Variants in ROBO2 observed in about 807,000 individuals in gnomAD.
ROBO2 encodes the protein roundabout guidance receptor 2, also known as roundabout homolog 2.
Under a neutral mutation model 160.8 loss-of-function variants are expected in ROBO2, and 53 were observed. That is an observed-to-expected ratio of 0.33 (90% CI 0.26 to 0.41). ROBO2 has a LOEUF of 0.41. ROBO2 is among the 10% of genes least tolerant of loss of function. ROBO2 has a pLI of 1.00. For missense variants in ROBO2, 1,577 were observed against 1,722.4 expected, an observed-to-expected ratio of 0.92 and a Z score of 1.49; for synonymous variants, 664 against 611.7, an observed-to-expected ratio of 1.09 and a Z score of -1.26.
At chr3:76,167,627 A>C (rs2072886034) in intron 2 of ROBO2, among the ~76,000 whole-genome samples, 1 of 152,146 alleles carries the variant, frequency 6.6e-6, no homozygotes, top group South Asian at 2.1e-4. Flanking sequence ...AAAGACAGGA[A>C]CTTCAGTTAT....
At chr3:76,273,119 AAATATAT>A (rs1707689173) in intron 2 of ROBO2, among the ~76,000 whole-genome samples, 1 of 8,842 alleles carries the variant, frequency 1.1e-4, no homozygotes, top group Admixed American at 1.2e-3. Context: ...ACACACATAT[AAATATAT>A]ATATATATAT....
intron 2 of ROBO2, among the ~76,000 whole-genome samples, chr3:76,154,991 A>G (rs1431987793): frequency 6.6e-6 from 1 of 152,138 alleles, no homozygotes; most frequent in Non-Finnish European, 1.5e-5. Flanking sequence ...TCTGAATTGG[A>G]TGATTGAAAA....
chr3:76,799,983 A>G (rs1298945523), intron 2 of ROBO2, among the ~76,000 whole-genome samples: 2 of 152,220 alleles, frequency 1.3e-5, no homozygotes, highest in Non-Finnish European at 2.9e-5. Context: ...CTACAAAGCT[A>G]TAGTAACCAA....
intron 2 of ROBO2, among the ~76,000 whole-genome samples, chr3:77,448,867 T>C (rs1341499128): frequency 2.0e-5 from 3 of 151,984 alleles, no homozygotes; most frequent in Non-Finnish European, 4.4e-5. Context: ...AAAACATTTA[T>C]GCACAACTCT....
At chr3:77,303,381 T>G (rs1206994135) in intron 2 of ROBO2, among the ~76,000 whole-genome samples, 1 of 152,216 alleles carries the variant, frequency 6.6e-6, no homozygotes, top group Non-Finnish European at 1.5e-5. Context: ...ATAACCTGTC[T>G]GTAAATTTGA....
intron 2 of ROBO2, among the ~76,000 whole-genome samples, chr3:77,248,794 T>TTTC (rs1491476028): frequency 7.0e-6 from 1 of 143,422 alleles, no homozygotes; most frequent in African/African-American, 2.5e-5. Flanking sequence ...TTTTTTTTTT[T>TTTC]TGAAGGAAGA....
chr3:77,353,994 G>A (rs1439432016), intron 2 of ROBO2, among the ~76,000 whole-genome samples: 1 of 152,080 alleles, frequency 6.6e-6, no homozygotes, highest in Admixed American at 6.6e-5. Context: ...ACCCTGAATT[G>A]TTTTTACTGA....
intron 24 of ROBO2, 146 bp downstream of exon 25, chr3:77,635,189 T>C: frequency 9.2e-6 from 7 of 763,334 alleles, no homozygotes; most frequent in Non-Finnish European, 1.5e-5. Context: ...CTTGTTTAAA[T>C]AAAACACCAT....
intron 2 of ROBO2, among the ~76,000 whole-genome samples, chr3:77,380,123 A>G (rs1230252906): frequency 2.6e-5 from 4 of 152,222 alleles, no homozygotes; most frequent in Admixed American, 2.0e-4. Flanking sequence ...TAATGTGTGA[A>G]ACAAGGAACA....
intron 2 of ROBO2, among the ~76,000 whole-genome samples, chr3:77,188,533 T>G (rs1392931864): frequency 6.6e-6 from 1 of 151,900 alleles, no homozygotes; most frequent in African/African-American, 2.4e-5. Context: ...TGTTTTTATG[T>G]GGCATTTTCA....
intron 2 of ROBO2, among the ~76,000 whole-genome samples, chr3:76,705,752 A>C (rs1017814990): frequency 6.6e-6 from 1 of 152,180 alleles, no homozygotes; most frequent in African/African-American, 2.4e-5. Context: ...AAATAAATGT[A>C]TCACTAAAGT....
At chr3:76,892,637 A>G (rs778974914) in intron 2 of ROBO2, among the ~76,000 whole-genome samples, 2 of 152,098 alleles carry the variant, frequency 1.3e-5, no homozygotes, top group Non-Finnish European at 2.9e-5. Flanking sequence ...CATTTTCCCT[A>G]CATATCTACC....
chr3:76,452,995 G>A (rs1393682593), intron 2 of ROBO2, among the ~76,000 whole-genome samples: 10 of 152,010 alleles, frequency 6.6e-5, no homozygotes, highest in Admixed American at 1.3e-4. Context: ...GTCTGTTCAT[G>A]TCCTTTGCCC....
intron 2 of ROBO2, among the ~76,000 whole-genome samples, chr3:75,954,224 C>G (rs961374349): frequency 6.6e-6 from 1 of 151,772 alleles, no homozygotes; most frequent in Non-Finnish European, 1.5e-5. Flanking sequence ...CCATTTAATG[C>G]ATGTATATTT....
At chr3:76,581,355 T>G (rs2108731194) in intron 2 of ROBO2, among the ~76,000 whole-genome samples, 1 of 152,038 alleles carries the variant, frequency 6.6e-6, no homozygotes, top group Non-Finnish European at 1.5e-5. Context: ...CACATTTTGG[T>G]GTGCAAAATG....
chr3:76,857,010 G>A (rs1213152390), intron 2 of ROBO2, among the ~76,000 whole-genome samples: 1 of 152,150 alleles, frequency 6.6e-6, no homozygotes, highest in African/African-American at 2.4e-5. Flanking sequence ...TTTTGAGACG[G>A]AGTCTTGCTC....
intron 2 of ROBO2, among the ~76,000 whole-genome samples, chr3:76,502,831 A>G (rs1307943340): frequency 1.3e-5 from 2 of 152,198 alleles, no homozygotes; most frequent in Non-Finnish European, 2.9e-5. Context: ...AAAAAAACAA[A>G]AGGAATTAAA....
intron 2 of ROBO2, among the ~76,000 whole-genome samples, chr3:77,293,112 T>G (rs1204710332): frequency 6.6e-6 from 1 of 150,504 alleles, no homozygotes; most frequent in African/African-American, 2.4e-5. Flanking sequence ...ACGGGTAAGC[T>G]GAGGCTAGAT....
intron 6 of ROBO2, among the ~76,000 whole-genome samples, chr3:77,525,832 T>A (rs866374754): frequency 6.6e-6 from 1 of 151,232 alleles, no homozygotes; most frequent in Non-Finnish European, 1.5e-5. Flanking sequence ...AACGCCTTTT[T>A]GTTTCTGAAG....
Sources: allele counts gnomAD v4.1 joint callset (sites outside exome capture counted in the v4.1 genomes callset), GRCh38; gene constraint gnomAD v4.1.1; transcripts MANE v1.5; gene names NCBI Gene and HGNC (gene_info 2026-07-23, HGNC 2026-07-21).